DLG2: variants seen among roughly 807,000 people sequenced by gnomAD.
The protein encoded by DLG2 is discs large MAGUK scaffold protein 2.
DLG2 carries 45 observed loss-of-function variants against 132.5 expected under a neutral mutation model. The observed-to-expected ratio is 0.34, with a 90% CI of 0.27 to 0.44. DLG2 has a LOEUF of 0.44. DLG2 is among the 20% of genes least tolerant of loss of function. DLG2 has a pLI of 1.00. For synonymous variants in DLG2, 424 were observed against 419.6 expected (o/e 1.01, Z -0.13); for missense variants, 1,045 against 1,196.9 (o/e 0.87, Z 1.87).
chr11:83,486,035 G>T (rs1169612765), intron 21 of DLG2: 3 of 429,708 alleles, frequency 7.0e-6, no homozygotes, highest in Non-Finnish European at 1.2e-5. Context: ...GGGAAAAGAG[G>T]TATCACTTCA....
chr11:83,463,721 G>T (rs1456495695), intron 26 of DLG2, among the ~76,000 whole-genome samples: 2 of 152,216 alleles, frequency 1.3e-5, no homozygotes, highest in East Asian at 3.8e-4. Context: ...AGCCCACGAG[G>T]TCATGACTGC....
At chr11:83,699,864 T>A (rs1350478057) in intron 18 of DLG2, among the ~76,000 whole-genome samples, 1 of 147,518 alleles carries the variant, frequency 6.8e-6, no homozygotes, top group Non-Finnish European at 1.5e-5. Flanking sequence ...TATGTATGCA[T>A]GTATCTGTCT....
chr11:83,784,580 G>C (rs992627927), intron 18 of DLG2, among the ~76,000 whole-genome samples: 4 of 152,204 alleles, frequency 2.6e-5, no homozygotes, highest in Non-Finnish European at 5.9e-5. Flanking sequence ...CAATTTGTAT[G>C]ATTTATAGGA....
At chr11:85,578,271 C>T (rs917948942) in intron 3 of DLG2, among the ~76,000 whole-genome samples, 1 of 152,050 alleles carries the variant, frequency 6.6e-6, no homozygotes, top group Non-Finnish European at 1.5e-5. Context: ...AATGTAAAAC[C>T]CAAAATTATA....
intron 8 of DLG2, chr11:84,166,962 C>T (rs1173975417): frequency 3.8e-6 from 2 of 533,124 alleles, no homozygotes; most frequent in African/African-American, 1.9e-5. Context: ...GTACCTTGGT[C>T]ATATTTTATG....
In DLG2 at chr11:84,562,609, G is replaced by A. The variant is rs371912589; in HGVS notation, c.358-27878C>T. ...AAACTAAATTTTTAACAGCAGTTTCGTCTTATATTTTCTGATTCCTCCAAG... is the reference window on the plus strand; with the variant it reads ...AAACTAAATTTTTAACAGCAGTTTCATCTTATATTTTCTGATTCCTCCAAG... On this transcript the variant is annotated intron_variant, in intron 6 of 27. Coordinates refer to ENST00000376104, the MANE Select transcript of DLG2 (RefSeq NM_001142699.3). 5.2e-4 allele frequency among the ~76,000 whole-genome samples: 79 copies of A among 152,084 alleles called. 1 individual carries two copies. In the South Asian group the frequency reaches 0.015, roughly 28 times the overall value.
chr11:85,156,738 C>T (rs555800313), intron 4 of DLG2, among the ~76,000 whole-genome samples: 35 of 152,288 alleles, frequency 2.3e-4, no homozygotes, highest in African/African-American at 8.2e-4. Context: ...GCGGCACATC[C>T]ACCATCATAG....
chr11:84,563,928 C>T (rs1025179555), intron 6 of DLG2, among the ~76,000 whole-genome samples: 2 of 151,898 alleles, frequency 1.3e-5, no homozygotes, highest in East Asian at 1.9e-4. Flanking sequence ...TCATGTTCAT[C>T]GTGAAAAACA....
chr11:85,180,759 T>A (rs2079633763), intron 4 of DLG2, among the ~76,000 whole-genome samples: 1 of 151,802 alleles, frequency 6.6e-6, no homozygotes, highest in Non-Finnish European at 1.5e-5. Context: ...CACTTATACA[T>A]CAGGGGAAAA....
chr11:85,349,873 C>T (rs909883738), intron 3 of DLG2, among the ~76,000 whole-genome samples: 2 of 151,610 alleles, frequency 1.3e-5, no homozygotes, highest in Non-Finnish European at 2.9e-5. Context: ...AGTAAACATA[C>T]GTGTGCACGT....
At chr11:84,707,199 C>A (rs1244445079) in intron 6 of DLG2, among the ~76,000 whole-genome samples, 1 of 151,798 alleles carries the variant, frequency 6.6e-6, no homozygotes, top group African/African-American at 2.4e-5. Context: ...TAGTAGAATG[C>A]TGATTAATCT....
At chr11:84,819,643 A>AATTACCC (rs2077460859) in intron 6 of DLG2, among the ~76,000 whole-genome samples, 1 of 151,864 alleles carries the variant, frequency 6.6e-6, no homozygotes, top group African/African-American at 2.4e-5. Context: ...GCATCAACTA[A>AATTACCC]ATTACCCATT....
At position 84,184,276 on chromosome 11, in the gene DLG2, T is replaced by C. The variant is rs928576772; in HGVS notation, c.574-20765A>G. On this transcript the variant is annotated intron_variant, in intron 8 of 27. Transcript: ENST00000376104. ...TTTTAATGATTGCCATTCTAACTGG[T>C]GTGAGATGGTATCTCATTGTGGTTT... Among the ~76,000 whole-genome samples the C allele has an allele frequency of 1.2e-3, 186 of 151,552 alleles. 2 individuals carry two copies. Among genetic ancestry groups the C allele is most frequent in the Non-Finnish European group, 1.9e-3 (129 of 67,472 alleles).
At chr11:84,031,767 C>T (rs1383533866) in intron 11 of DLG2, among the ~76,000 whole-genome samples, 1 of 152,152 alleles carries the variant, frequency 6.6e-6, no homozygotes, top group Non-Finnish European at 1.5e-5. Flanking sequence ...GTATACTTCA[C>T]AGATACCACA....
chr11:83,947,077 C>T (rs1349872521), intron 14 of DLG2, among the ~76,000 whole-genome samples: 3 of 152,080 alleles, frequency 2.0e-5, no homozygotes, highest in Non-Finnish European at 2.9e-5. Flanking sequence ...AACTGGAAAG[C>T]GTCATGATAG....
chr11:84,429,377 T>G (rs1046909235), intron 7 of DLG2, among the ~76,000 whole-genome samples: 2 of 152,152 alleles, frequency 1.3e-5, no homozygotes, highest in African/African-American at 2.4e-5. Flanking sequence ...GCTTGGACAC[T>G]TAACCAAGGT....
At chr11:83,942,514 C>T (rs1351825233) in intron 14 of DLG2, among the ~76,000 whole-genome samples, 3 of 152,058 alleles carry the variant, frequency 2.0e-5, no homozygotes, top group Admixed American at 1.3e-4. Context: ...TATTTGCTCC[C>T]ACTATTTCAT....
At chr11:84,274,460 G>A (rs894780267) in intron 7 of DLG2, among the ~76,000 whole-genome samples, 2 of 152,060 alleles carry the variant, frequency 1.3e-5, no homozygotes, top group African/African-American at 2.4e-5. Flanking sequence ...ACCAAACAAG[G>A]TACAAATTGT....
At chr11:85,184,813 A>G (rs1473955706) in intron 4 of DLG2, among the ~76,000 whole-genome samples, 1 of 151,968 alleles carries the variant, frequency 6.6e-6, no homozygotes, top group African/African-American at 2.4e-5. Flanking sequence ...ACCAGTTTCC[A>G]GTAGAGCAAA....
Sources: allele counts gnomAD v4.1 joint callset (sites outside exome capture counted in the v4.1 genomes callset), GRCh38; gene constraint gnomAD v4.1.1; transcripts MANE v1.5; gene names NCBI Gene and HGNC (gene_info 2026-07-23, HGNC 2026-07-21).